Variants in RSPO2 observed in about 807,000 individuals in gnomAD.
The protein encoded by RSPO2 is R-spondin 2.
Under a neutral mutation model 30.9 loss-of-function variants are expected in RSPO2, and 14 were observed. That is an observed-to-expected ratio of 0.45 (90% CI 0.30 to 0.71). The LOEUF (loss-of-function observed/expected upper bound fraction) is 0.71. Among genes scored for constraint, RSPO2 ranks in the 30% least tolerant of loss-of-function variants. The pLI, the probability that RSPO2 is intolerant of heterozygous loss-of-function variation, is 0.08. For missense variants in RSPO2, 264 were observed against 301.9 expected (o/e 0.87, Z 0.93); for synonymous variants, 107 against 96.4 (o/e 1.11, Z -0.64).
At chr8:108,044,161 A>T (rs954356317) in intron 2 of RSPO2, among the ~76,000 whole-genome samples, 1 of 151,924 alleles carries the variant, frequency 6.6e-6, no homozygotes, top group Non-Finnish European at 1.5e-5. Context: ...CTGAAAAAAA[A>T]AAAAGAAAAG....
chr8:107,900,278 A>C lies in RSPO2; in HGVS notation c.*797T>G, dbSNP rs573140745. On this transcript the variant is annotated 3_prime_UTR_variant, in exon 6 of 6. Coordinates refer to ENST00000276659, the MANE Select transcript of RSPO2 (RefSeq NM_178565.5). ...CAAACTCTTTGACACTGGTCATTTG[A>C]CTCTATATACAAAAACTAGTTTATC... 6.6e-6 allele frequency: 1 copy of C among 152,060 alleles called. No individual in the cohort carries two copies. The highest frequency in any genetic ancestry group is 2.4e-5 in the African/African-American group (1 of 41,460). The allele number at this position is 152,060 out of a possible 1,614,324, so 9.4% of individuals were successfully genotyped here.
intron 2 of RSPO2, among the ~76,000 whole-genome samples, chr8:108,041,635 T>C (rs1247369497): frequency 6.6e-6 from 1 of 152,186 alleles, no homozygotes; most frequent in Non-Finnish European, 1.5e-5. Flanking sequence ...TGAACATCTT[T>C]AATCTTATTA....
chr8:108,067,397 G>C (rs1812705194), intron 2 of RSPO2, among the ~76,000 whole-genome samples: 1 of 152,018 alleles, frequency 6.6e-6, no homozygotes, highest in African/African-American at 2.4e-5. Context: ...AAATATGTAG[G>C]GTGAAATGAT....
chr8:108,081,076 A>G (rs1813178561), intron 2 of RSPO2, among the ~76,000 whole-genome samples: 1 of 152,200 alleles, frequency 6.6e-6, no homozygotes, highest in African/African-American at 2.4e-5. Context: ...ATAATTTCTG[A>G]AAATAAACAA....
At chr8:107,994,724 A>G (rs905433667) in intron 2 of RSPO2, among the ~76,000 whole-genome samples, 2 of 152,118 alleles carry the variant, frequency 1.3e-5, no homozygotes, top group African/African-American at 4.8e-5. Context: ...TAACCCAAGA[A>G]AGAATTAGGA....
At chr8:107,936,059 T>C (rs973882790) in intron 5 of RSPO2, among the ~76,000 whole-genome samples, 1 of 152,148 alleles carries the variant, frequency 6.6e-6, no homozygotes, top group Non-Finnish European at 1.5e-5. Flanking sequence ...TCTACCTATG[T>C]ATATTTTTAT....
chr8:108,032,982 G>A (rs532469631), intron 2 of RSPO2, among the ~76,000 whole-genome samples: 6 of 140,826 alleles, frequency 4.3e-5, no homozygotes, highest in Non-Finnish European at 7.5e-5. Context: ...CCCGGGAGGC[G>A]AAGCTTGCAG....
chr8:108,003,607 T>G (rs1386027502), intron 2 of RSPO2, among the ~76,000 whole-genome samples: 2 of 151,922 alleles, frequency 1.3e-5, no homozygotes, highest in Non-Finnish European at 2.9e-5. Context: ...ATCCTTACTC[T>G]AACAAGGTTC....
intron 5 of RSPO2, among the ~76,000 whole-genome samples, chr8:107,945,681 G>A (rs1303942707): frequency 6.6e-6 from 1 of 152,050 alleles, no homozygotes; most frequent in Non-Finnish European, 1.5e-5. Flanking sequence ...TTTTAGCTCA[G>A]TTTATCTTTT....
At chr8:108,063,050 T>G (rs539928094) in intron 2 of RSPO2, among the ~76,000 whole-genome samples, 2,092 of 149,728 alleles carry the variant, frequency 0.014, 24 homozygotes, top group Non-Finnish European at 0.023. Flanking sequence ...TAAGAGCTAT[T>G]TATGACAAAC....
chr8:108,074,043 A>G (rs1280227045), intron 2 of RSPO2, among the ~76,000 whole-genome samples: 1 of 152,174 alleles, frequency 6.6e-6, no homozygotes, highest in East Asian at 1.9e-4. Context: ...TCGTCCCTCT[A>G]CACCACAAAA....
At chr8:108,081,769 C>T (rs936197007) in intron 2 of RSPO2, 6 of 322,316 alleles carry the variant, frequency 1.9e-5, no homozygotes, top group African/African-American at 1.3e-4. Flanking sequence ...GTTAAAAAGC[C>T]GCAAGTGAAT....
intron 3 of RSPO2, among the ~76,000 whole-genome samples, chr8:107,968,044 T>C (rs1813870677): frequency 1.3e-5 from 2 of 152,130 alleles, no homozygotes; most frequent in Non-Finnish European, 2.9e-5. Flanking sequence ...TGAGCTTTTA[T>C]AAGTATAAAA....
chr8:108,076,566 G>C (rs1813020081), intron 2 of RSPO2, among the ~76,000 whole-genome samples: 1 of 152,130 alleles, frequency 6.6e-6, no homozygotes, highest in African/African-American at 2.4e-5. Context: ...CAACAGAAAA[G>C]TCAAAGACTA....
At chr8:107,955,775 ATG>A (rs1813411858) in intron 5 of RSPO2, among the ~76,000 whole-genome samples, 2 of 152,190 alleles carry the variant, frequency 1.3e-5, no homozygotes, top group African/African-American at 4.8e-5. Flanking sequence ...GCTGATTTTA[ATG>A]TGCTGCTGCT....
At chr8:107,962,873 T>C (rs1024867722) in intron 3 of RSPO2, among the ~76,000 whole-genome samples, 1 of 152,208 alleles carries the variant, frequency 6.6e-6, no homozygotes, top group Non-Finnish European at 1.5e-5. Flanking sequence ...CTGACTTCTC[T>C]TTAAAATAAA....
chr8:107,991,275 C>CACA (rs1814839136), intron 2 of RSPO2, among the ~76,000 whole-genome samples: 1 of 151,578 alleles, frequency 6.6e-6, no homozygotes, highest in South Asian at 2.1e-4. Context: ...CACACACACA[C>CACA]ACACACACAC....
intron 2 of RSPO2, among the ~76,000 whole-genome samples, chr8:108,009,698 CAG>C (rs1003116532): frequency 6.6e-6 from 1 of 152,134 alleles, no homozygotes; most frequent in Non-Finnish European, 1.5e-5. Flanking sequence ...AGTTTCCAAA[CAG>C]AATTTTAAAA....
At chr8:108,050,446 G>A (rs1448566577) in intron 2 of RSPO2, among the ~76,000 whole-genome samples, 2 of 151,864 alleles carry the variant, frequency 1.3e-5, no homozygotes, top group African/African-American at 4.8e-5. Flanking sequence ...AGTAATAAAG[G>A]TATGTATATA....
Sources: allele counts gnomAD v4.1 joint callset (sites outside exome capture counted in the v4.1 genomes callset), GRCh38; gene constraint gnomAD v4.1.1; transcripts MANE v1.5; gene names NCBI Gene and HGNC (gene_info 2026-07-23, HGNC 2026-07-21).